PMFBP1: variants seen among roughly 807,000 people sequenced by gnomAD.
PMFBP1 encodes polyamine-modulated factor 1-binding protein 1.
Under a neutral mutation model 137.8 loss-of-function variants are expected in PMFBP1, and 131 were observed. The observed-to-expected ratio is 0.95, with a 90% CI of 0.82 to 1.10. The LOEUF is 1.10. PMFBP1 is among the 50% of genes least tolerant of loss of function. The pLI is 0.00. For synonymous variants in PMFBP1, 490 were observed against 450.4 expected, an observed-to-expected ratio of 1.09 and a Z score of -1.11; for missense variants, 1,199 against 1,175.4, an observed-to-expected ratio of 1.02 and a Z score of -0.29.
chr16:72,229,059 G>A, the PMFBP1 span, among the ~76,000 whole-genome samples: 1 of 151,944 alleles, frequency 6.6e-6, no homozygotes, highest in African/African-American at 2.4e-5. Context: ...TTATGTCCAT[G>A]TGTTTTCAGT....
At chr16:72,195,241 T>C in the PMFBP1 span, among the ~76,000 whole-genome samples, 1 of 152,244 alleles carries the variant, frequency 6.6e-6, no homozygotes, top group Admixed American at 6.5e-5. Context: ...TTGCACCAGA[T>C]TGTCCTGTTG....
intron 16 of PMFBP1, 65 bp downstream of exon 16, chr16:72,125,173 G>T (rs1452133240): frequency 1.9e-6 from 3 of 1,549,520 alleles, no homozygotes; most frequent in Admixed American, 3.9e-5. Flanking sequence ...AATAATTCTG[G>T]ATGCAAGAGG....
chr16:72,211,929 A>T, the PMFBP1 span, among the ~76,000 whole-genome samples: 1 of 152,162 alleles, frequency 6.6e-6, no homozygotes, highest in Non-Finnish European at 1.5e-5. Context: ...CCTGGGAGGC[A>T]GAGGTTGCAG....
the PMFBP1 span, among the ~76,000 whole-genome samples, chr16:72,203,229 C>T: frequency 8.5e-5 from 13 of 152,234 alleles, no homozygotes; most frequent in African/African-American, 1.2e-4. Flanking sequence ...TATATGAGTG[C>T]TGTCTCCTGA....
the PMFBP1 span, among the ~76,000 whole-genome samples, chr16:72,245,935 T>A: frequency 1.3e-5 from 2 of 152,160 alleles, no homozygotes; most frequent in Admixed American, 6.5e-5. Flanking sequence ...CCATTATGGA[T>A]CAAAACTGCT....
chr16:72,130,300 A>G lies in PMFBP1; in HGVS notation c.1695T>C (p.Asn565=), dbSNP rs754520275. ...GAAGCTGCCTCTTTTCCTTGTCTGA[A>G]TTTTCAAGCTTCCTCAGGGCTTCAG... ...ELSEALRKLE[N]SDKEKRQLQK... is the part of the protein sequence containing the mutation. The change falls in exon 12 of 21, where the codon AAT becomes AAC. Residue 565 remains asparagine, a synonymous_variant. Transcript: ENST00000237353. 6.2e-7 allele frequency: 1 copy of G among 1,613,988 alleles called. No homozygotes were observed. Among genetic ancestry groups the G allele is most frequent in the South Asian group, 1.1e-5 (1 of 91,074 alleles).
the PMFBP1 span, among the ~76,000 whole-genome samples, chr16:72,215,026 G>C: frequency 6.6e-5 from 10 of 152,186 alleles, no homozygotes; most frequent in Admixed American, 5.9e-4. Flanking sequence ...CATGGCTGAA[G>C]TGAGAATGAG....
chr16:72,237,814 T>C, the PMFBP1 span, among the ~76,000 whole-genome samples: 1 of 152,150 alleles, frequency 6.6e-6, no homozygotes, highest in Non-Finnish European at 1.5e-5. Context: ...CACCCTCTAA[T>C]AGGCCCCAGT....
the PMFBP1 span, among the ~76,000 whole-genome samples, chr16:72,230,167 G>A: frequency 6.6e-6 from 1 of 152,160 alleles, no homozygotes; most frequent in Non-Finnish European, 1.5e-5. Context: ...AAGGAGGAGA[G>A]CTAGGCACTA....
intron 15 of PMFBP1, 93 bp downstream of exon 15, chr16:72,125,875 C>A: frequency 2.0e-6 from 3 of 1,471,004 alleles, no homozygotes; most frequent in South Asian, 1.3e-5. Context: ...CATTGACAGT[C>A]AATAGGCAGG....
rs201912048 is a variant in PMFBP1 at position 72,169,999 on chromosome 16, G to A, written c.12+1198C>T. ...GAGATCAGCCACCTATGGAACGTGG[G>A]CTGATTTTTATTGGCACCTGGGCAA... On this transcript the variant is annotated intron_variant, in intron 2 of 20. Transcript: ENST00000237353. Among the ~76,000 whole-genome samples the A allele has an allele frequency of 2.0e-4, 30 of 151,114 alleles. No homozygotes were observed. The East Asian group carries it at 5.8e-3, about 29-fold the overall frequency.
the PMFBP1 span, among the ~76,000 whole-genome samples, chr16:72,212,483 GA>G: frequency 4.0e-3 from 527 of 132,624 alleles, 1 homozygote; most frequent in African/African-American, 6.2e-3. Flanking sequence ...GGTTGTATTG[GA>G]AAAAAAAAAA....
chr16:72,134,304 T>C (rs757696289), intron 9 of PMFBP1, among the ~76,000 whole-genome samples: 1 of 152,118 alleles, frequency 6.6e-6, no homozygotes, highest in Admixed American at 6.5e-5. Flanking sequence ...ACTGCTAACA[T>C]CCTGAGTAGC....
At chr16:72,147,885 G>C (rs2042836393) in intron 5 of PMFBP1, among the ~76,000 whole-genome samples, 1 of 152,188 alleles carries the variant, frequency 6.6e-6, no homozygotes, top group African/African-American at 2.4e-5. Context: ...ATACTGGAGA[G>C]GATGTAGAGA....
At chr16:72,124,343 C>G (rs937594201) in intron 17 of PMFBP1, among the ~76,000 whole-genome samples, 20 of 152,218 alleles carry the variant, frequency 1.3e-4, no homozygotes, top group Admixed American at 3.3e-4. Flanking sequence ...GAGCAAAGGC[C>G]CAGTGGCCAC....
chr16:72,120,282 G>C, intron 19 of PMFBP1, 193 bp from the exon 20 acceptor site: 2 of 902,124 alleles, frequency 2.2e-6, no homozygotes, highest in Admixed American at 2.8e-5. Flanking sequence ...CAGGCCTGGG[G>C]TCTGAGTGGA....
the PMFBP1 span, among the ~76,000 whole-genome samples, chr16:72,195,119 CA>C: frequency 6.6e-6 from 1 of 152,188 alleles, no homozygotes; most frequent in Admixed American, 6.5e-5. Context: ...ACTTTGCGGA[CA>C]GCCTCCAGCT....
the PMFBP1 span, among the ~76,000 whole-genome samples, chr16:72,208,309 C>A: frequency 6.6e-6 from 1 of 152,136 alleles, no homozygotes; most frequent in Admixed American, 6.5e-5. Context: ...AAGACACAGA[C>A]GACCCACTTG....
the PMFBP1 span, among the ~76,000 whole-genome samples, chr16:72,211,370 C>T: frequency 6.6e-6 from 1 of 152,110 alleles, no homozygotes; most frequent in Middle Eastern, 3.2e-3. Flanking sequence ...ACTAGATGGC[C>T]CTAGGGACTA....
Sources: allele counts gnomAD v4.1 joint callset (sites outside exome capture counted in the v4.1 genomes callset), GRCh38; gene constraint gnomAD v4.1.1; transcripts MANE v1.5; gene names NCBI Gene and HGNC (gene_info 2026-07-23, HGNC 2026-07-21).